Variants in DUS2 observed in about 807,000 individuals in gnomAD.
The protein encoded by DUS2 is dihydrouridine synthase 2.
A neutral mutation model predicts 71.3 loss-of-function variants in DUS2; 52 were observed. The observed-to-expected ratio is 0.73, with a 90% CI of 0.58 to 0.92. The LOEUF is 0.92. Among genes scored for constraint, DUS2 ranks in the 40% least tolerant of loss-of-function variants. DUS2 has a pLI of 0.00. For missense variants in DUS2, 558 were observed against 622.6 expected (o/e 0.90, Z 1.10); for synonymous variants, 204 against 227.8 (o/e 0.90, Z 0.94).
chr16:68,052,345 C>T (rs1183608904), intron 4 of DUS2, among the ~76,000 whole-genome samples: 1 of 152,154 alleles, frequency 6.6e-6, no homozygotes, highest in African/African-American at 2.4e-5. Context: ...CCTTGTTTGA[C>T]CTCAGCTGGG....
intron 7 of DUS2, 37 bp downstream of exon 7, chr16:68,056,461 A>G (rs772507107): frequency 3.2e-6 from 5 of 1,553,218 alleles, no homozygotes; most frequent in Non-Finnish European, 4.4e-6. Flanking sequence ...TAAACATAGG[A>G]TGCAGATTAA....
intron 6 of DUS2, 58 bp downstream of exon 6, chr16:68,054,675 T>A (rs1598309853): frequency 6.3e-7 from 1 of 1,598,190 alleles, no homozygotes; most frequent in East Asian, 2.2e-5. Flanking sequence ...CTGTGAGGGT[T>A]TAATGTCCTG....
intron 4 of DUS2, among the ~76,000 whole-genome samples, chr16:68,050,644 A>G (rs1008213381): frequency 2.6e-5 from 4 of 152,184 alleles, no homozygotes; most frequent in African/African-American, 9.7e-5. Flanking sequence ...TCTAGGTTGA[A>G]GATAAGGAAA....
intron 7 of DUS2, among the ~76,000 whole-genome samples, chr16:68,059,044 T>C (rs2033901273): frequency 6.6e-6 from 1 of 152,118 alleles, no homozygotes; most frequent in Non-Finnish European, 1.5e-5. Flanking sequence ...AAACCGCATG[T>C]CTACCAAAAA....
At chr16:68,051,583 G>T (rs915603593) in intron 4 of DUS2, among the ~76,000 whole-genome samples, 5 of 151,746 alleles carry the variant, frequency 3.3e-5, no homozygotes, top group African/African-American at 9.7e-5. Context: ...TAGAGATGGG[G>T]GTCTTGCTAT....
intron 2 of DUS2, among the ~76,000 whole-genome samples, chr16:68,026,630 G>T (rs895367973): frequency 2.0e-5 from 3 of 152,016 alleles, no homozygotes; most frequent in Non-Finnish European, 4.4e-5. Flanking sequence ...TGTAATCCCA[G>T]CACTTTGAGA....
intron 7 of DUS2, among the ~76,000 whole-genome samples, chr16:68,059,514 A>C (rs185561658): frequency 1.4e-3 from 206 of 152,254 alleles, no homozygotes; most frequent in South Asian, 1.9e-3. Flanking sequence ...CAAGGCCTTC[A>C]AGGTTTCTTT....
chr16:68,054,725 A>G (rs2033827118), intron 6 of DUS2, 108 bp downstream of exon 6: 8 of 1,324,910 alleles, frequency 6.0e-6, no homozygotes, highest in Non-Finnish European at 8.7e-6. Context: ...CTTCTAGCCC[A>G]TTACCTTCTG....
chr16:68,059,682 C>T (rs1044348817), intron 7 of DUS2, among the ~76,000 whole-genome samples: 17 of 152,310 alleles, frequency 1.1e-4, no homozygotes, highest in Admixed American at 3.3e-4. Flanking sequence ...ACTGAACTTA[C>T]ACCTTCTGAG....
At position 68,063,271 on chromosome 16, in the gene DUS2, G is replaced by A. The variant is rs76900179; in HGVS notation, c.417+2158G>A. Among the ~76,000 whole-genome samples, 1,211 of 152,326 alleles carry A rather than the reference G, an allele frequency of 8.0e-3. 16 individuals carry two copies. Among genetic ancestry groups the A allele is most frequent in the African/African-American group, 0.027 (1,137 of 41,564 alleles). ...CACAACAAAGCCAGATGTGGCTTAGGTGTAGGGGCTGGATTCAATTCGGGT... is the reference window on the plus strand; with the variant it reads ...CACAACAAAGCCAGATGTGGCTTAGATGTAGGGGCTGGATTCAATTCGGGT... On this transcript the variant is annotated intron_variant, in intron 8 of 16. Coordinates refer to ENST00000565263, the MANE Select transcript of DUS2 (RefSeq NM_017803.5).
chr16:68,056,546 A>G, intron 7 of DUS2, 122 bp downstream of exon 7: 1 of 743,164 alleles, frequency 1.3e-6, no homozygotes, highest in Non-Finnish European at 2.3e-6. Flanking sequence ...AAAATGCTCA[A>G]AAAGATATCG....
chr16:68,066,641 G>C lies in DUS2; in HGVS notation c.554+5G>C. On this transcript the variant is annotated splice_donor_5th_base_variant and intron_variant, in intron 10 of 16. Transcript: ENST00000565263. ...TGCCATCGCAGTTCATGGGAGGTGAGTGGTCACCTTTCTAGTGACTGGCAG... is the reference window on the plus strand; with the variant it reads ...TGCCATCGCAGTTCATGGGAGGTGACTGGTCACCTTTCTAGTGACTGGCAG... 6.2e-7 allele frequency: 1 copy of C among 1,613,708 alleles called. No individual in the cohort carries two copies. Among genetic ancestry groups the C allele is most frequent in the Non-Finnish European group, 8.5e-7 (1 of 1,179,608 alleles).
chr16:68,071,736 C>A (rs745707738), intron 12 of DUS2, among the ~76,000 whole-genome samples: 1 of 150,964 alleles, frequency 6.6e-6, no homozygotes, highest in Non-Finnish European at 1.5e-5. Flanking sequence ...CTCCTGGGCT[C>A]AAGTGATCCT....
chr16:68,064,691 A>G (rs180824006), intron 8 of DUS2, among the ~76,000 whole-genome samples: 235 of 152,278 alleles, frequency 1.5e-3, no homozygotes, highest in Non-Finnish European at 2.4e-3. Context: ...TGACCCTAAG[A>G]CCTCAGGCCA....
intron 7 of DUS2, among the ~76,000 whole-genome samples, chr16:68,059,537 A>G (rs566339616): frequency 6.6e-6 from 1 of 152,170 alleles, no homozygotes; most frequent in Non-Finnish European, 1.5e-5. Flanking sequence ...TGACCAATGT[A>G]GTCCAGGCTT....
intron 10 of DUS2, among the ~76,000 whole-genome samples, chr16:68,067,466 G>C (rs546128907): frequency 1.3e-5 from 2 of 149,498 alleles, no homozygotes; most frequent in Non-Finnish European, 3.0e-5. Flanking sequence ...ATTTTTAGTA[G>C]AGACAGGGTT....
intron 2 of DUS2, among the ~76,000 whole-genome samples, chr16:68,035,927 T>TAC (rs1338694748): frequency 2.5e-4 from 27 of 106,792 alleles, no homozygotes; most frequent in Admixed American, 5.1e-4. Context: ...TATATATATA[T>TAC]ATACACACAT....
Position 68,076,704 on chromosome 16 carries a change from G to A in DUS2, c.1155G>A (p.Gln385=), listed in dbSNP as rs906764503. The A allele has an allele frequency of 6.2e-7, 1 of 1,613,984 alleles. No individual in the cohort carries two copies. The highest frequency in any genetic ancestry group is 8.5e-7 in the Non-Finnish European group (1 of 1,179,894). Residue 385 remains glutamine (Q), a synonymous_variant, in exon 15 of 17, where the codon CAG becomes CAA. Coordinates refer to ENST00000565263, the MANE Select transcript of DUS2 (RefSeq NM_017803.5). ...GGTGCCGGAGGGAGAAGTTGGCACA[G>A]CCTGTGTATGAAACGGTGAGTTCCT... ...LEWCRREKLA[Q]PVYETVQRPL... is the part of the protein sequence containing the mutation.
chr16:68,030,284 C>G (rs560182287), intron 2 of DUS2, among the ~76,000 whole-genome samples: 7 of 151,920 alleles, frequency 4.6e-5, no homozygotes, highest in African/African-American at 1.7e-4. Context: ...AGAACTGTTT[C>G]CAAGGATTTT....
Sources: gnomAD v4.1 joint callset for allele counts (sites outside exome capture counted in the v4.1 genomes callset) on GRCh38, gnomAD v4.1.1 for gene constraint, MANE v1.5 for transcripts, NCBI Gene and HGNC (gene_info 2026-07-23, HGNC 2026-07-21) for gene names.